Variants in ANXA5 observed in about 807,000 individuals in gnomAD.
The protein encoded by ANXA5 is annexin A5.
A neutral mutation model predicts 48.1 loss-of-function variants in ANXA5; 40 were observed. The ratio of observed to expected loss-of-function variants is 0.83; its 90% CI spans 0.65 to 1.08. The LOEUF (loss-of-function observed/expected upper bound fraction) is 1.08. ANXA5 is among the 50% of genes least tolerant of loss of function. The probability of loss-of-function intolerance (pLI) is 0.00; values close to 1 mark genes in which losing one functional copy is unlikely to be tolerated. For synonymous variants in ANXA5, 113 were observed against 129.1 expected, an observed-to-expected ratio of 0.88 and a Z score of 0.85; for missense variants, 357 against 376.8, an observed-to-expected ratio of 0.95 and a Z score of 0.44.
intron 8 of ANXA5, among the ~76,000 whole-genome samples, chr4:121,674,633 A>G (rs1438119538): frequency 2.0e-5 from 3 of 152,180 alleles, no homozygotes; most frequent in African/African-American, 7.2e-5. Context: ...CAATGTTTTA[A>G]TTTTCTTGGG....
intron 2 of ANXA5, among the ~76,000 whole-genome samples, chr4:121,687,444 C>A (rs891523857): frequency 2.0e-5 from 3 of 152,134 alleles, no homozygotes; most frequent in Admixed American, 6.5e-5. Context: ...TACATTCCCT[C>A]AAAACTCCTG....
At chr4:121,670,128 T>A in intron 10 of ANXA5, 116 bp from the exon 11 acceptor site, 1 of 685,360 alleles carries the variant, frequency 1.5e-6, no homozygotes, top group Admixed American at 3.1e-5. Flanking sequence ...AACACAAAAG[T>A]ACCAGAGGCT....
rs1305874463 is a variant in ANXA5 at position 121,691,739 on chromosome 4, C to T, written c.9+4842G>A. Among the ~76,000 whole-genome samples, 6 of 152,268 alleles carry T rather than the reference C, an allele frequency of 3.9e-5. No homozygotes were observed. In the South Asian group the frequency reaches 1.0e-3, roughly 26 times the overall value. ...ATTGCCTCCCCACTCCATGTACATA[C>T]ACTAGGGCCCTACCTTATGTACGTA... On this transcript the variant is annotated intron_variant, in intron 2 of 12. Coordinates refer to ENST00000296511, the MANE Select transcript of ANXA5 (RefSeq NM_001154.4).
chr4:121,674,606 G>A (rs1333466930), intron 8 of ANXA5, among the ~76,000 whole-genome samples: 4 of 149,906 alleles, frequency 2.7e-5, no homozygotes, highest in African/African-American at 1.0e-4. Context: ...TTGGTGAGAT[G>A]TCAGTTATTT....
At chr4:121,685,355 G>A (rs1236882564) in intron 3 of ANXA5, among the ~76,000 whole-genome samples, 3 of 152,126 alleles carry the variant, frequency 2.0e-5, no homozygotes, top group Non-Finnish European at 4.4e-5. Flanking sequence ...TCTCCTAGCT[G>A]ATAGGAGGTG....
At chr4:121,679,796 A>T (rs1724758684) in intron 6 of ANXA5, among the ~76,000 whole-genome samples, 1 of 152,186 alleles carries the variant, frequency 6.6e-6, no homozygotes, top group African/African-American at 2.4e-5. Context: ...ATACACCATG[A>T]TGTTTTCATA....
chr4:121,677,446 C>T (rs2306412), intron 8 of ANXA5, among the ~76,000 whole-genome samples: 3,047 of 152,220 alleles, frequency 0.02, 37 homozygotes, highest in East Asian at 0.042. Flanking sequence ...AAAATTCTGT[C>T]GAAGGAAATG....
chr4:121,685,257 T>C (rs568008068), intron 3 of ANXA5, among the ~76,000 whole-genome samples: 11 of 152,228 alleles, frequency 7.2e-5, no homozygotes, highest in Admixed American at 5.9e-4. Context: ...CCTAGTTTTT[T>C]AAAAACACAC....
At chr4:121,682,688 G>A (rs954120820) in intron 5 of ANXA5, among the ~76,000 whole-genome samples, 4 of 152,112 alleles carry the variant, frequency 2.6e-5, no homozygotes, top group Non-Finnish European at 4.4e-5. Flanking sequence ...CACTCCATCA[G>A]TAAGAATCCC....
chr4:121,679,107 AG>A (rs2110483256), intron 6 of ANXA5, among the ~76,000 whole-genome samples: 1 of 152,338 alleles, frequency 6.6e-6, no homozygotes, highest in Non-Finnish European at 1.5e-5. Context: ...ATGCTATTAA[AG>A]GAAAGGAGGC....
chr4:121,689,067 T>C (rs1724938784), intron 2 of ANXA5, among the ~76,000 whole-genome samples: 1 of 152,164 alleles, frequency 6.6e-6, no homozygotes, highest in Admixed American at 6.5e-5. Context: ...AACTGAATGG[T>C]TGAATACTGA....
chr4:121,677,353 T>C (rs1333098798), intron 8 of ANXA5, among the ~76,000 whole-genome samples: 2 of 152,160 alleles, frequency 1.3e-5, no homozygotes, highest in African/African-American at 4.8e-5. Flanking sequence ...AGACTGAGAC[T>C]TTATAGGGGT....
In ANXA5 at chr4:121,678,503, A is replaced by C; in HGVS notation, c.395-9T>G. 1 of 1,609,384 alleles carries C rather than the reference A, an allele frequency of 6.2e-7. No homozygotes were observed. The highest frequency in any genetic ancestry group is 8.5e-7 in the Non-Finnish European group (1 of 1,176,662). On this transcript the variant is annotated splice_polypyrimidine_tract_variant and intron_variant, in intron 6 of 12. Coordinates refer to ENST00000296511, the MANE Select transcript of ANXA5 (RefSeq NM_001154.4). ...CAGGCTTGAGCCATATTCTGCAACA[A>C]AATAATTTCATACTTATTTACATCT...
intron 2 of ANXA5, among the ~76,000 whole-genome samples, chr4:121,694,602 C>T (rs890043311): frequency 1.3e-5 from 2 of 152,136 alleles, no homozygotes; most frequent in Non-Finnish European, 2.9e-5. Context: ...TTAGGCTGGT[C>T]TCGAACTCCT....
At chr4:121,672,446 G>T in intron 9 of ANXA5, 87 bp downstream of exon 9, 2 of 859,648 alleles carry the variant, frequency 2.3e-6, no homozygotes, top group Non-Finnish European at 3.8e-6. Context: ...CTAAGTCCCT[G>T]CTATGTAGCA....
chr4:121,669,989 C>T lies in ANXA5; in HGVS notation c.745G>A (p.Ala249Thr), dbSNP rs1167965819. ...TAATAGAGGGTCTCTGCAAGGTAGGCAGGTATACTTCGAATAGATTTCACT... is the reference window on the plus strand; with the variant it reads ...TAATAGAGGGTCTCTGCAAGGTAGGTAGGTATACTTCGAATAGATTTCACT... ...AVVKSIRSIP[A>T]YLAETLYYAM... The change falls in exon 11 of 13, where the codon GCC becomes ACC. Residue 249 changes from alanine to threonine, a missense_variant. Ala to Thr is a moderately conservative substitution (Grantham distance 58). Transcript: ENST00000296511. 1.9e-6 allele frequency: 3 copies of T among 1,605,086 alleles called. No individual in the cohort carries two copies. Among genetic ancestry groups the T allele is most frequent in the Middle Eastern group, 1.7e-4 (1 of 6,026 alleles).
rs1380635484 is a variant in ANXA5 at position 121,669,621 on chromosome 4, G to C, written c.884C>G (p.Ser295Cys). The C allele has an allele frequency of 1.9e-6, 3 of 1,613,230 alleles. No homozygotes were observed. Among genetic ancestry groups the C allele is most frequent in the Admixed American group, 1.7e-5 (1 of 59,924 alleles). ...RKEFRKNFAT[S>C]LYSMIKGDTS... ...TACTACCTTAATCATGGAATAAAGA[G>C]AGGTGGCAAAATTCTTCCTAAACTC... is the stretch of plus-strand genomic sequence containing the variant. The change falls in exon 12 of 13, where the codon TCT becomes TGT. Residue 295 changes from serine to cysteine, a missense_variant. By Grantham distance (112) the Ser-to-Cys change is moderately radical. Transcript: ENST00000296511.
chr4:121,688,640 G>T (rs749897079), intron 2 of ANXA5, among the ~76,000 whole-genome samples: 18 of 151,864 alleles, frequency 1.2e-4, no homozygotes, highest in Non-Finnish European at 2.5e-4. Context: ...CTCGGAACAG[G>T]GTCAGCTATG....
At position 121,687,951 on chromosome 4, in the gene ANXA5, A is replaced by G. The variant is rs927142549; in HGVS notation, c.10-1579T>C. 5.9e-5 allele frequency among the ~76,000 whole-genome samples: 9 copies of G among 152,188 alleles called. No individual in the cohort carries two copies. In the East Asian group the frequency reaches 7.7e-4, roughly 13 times the overall value. On this transcript the variant is annotated intron_variant, in intron 2 of 12. Transcript: ENST00000296511. ...CTGATCACCCTCTGTTATGAACCGAATATCTGTGTCCCCTCAAAATTCATA... is the reference window on the plus strand; with the variant it reads ...CTGATCACCCTCTGTTATGAACCGAGTATCTGTGTCCCCTCAAAATTCATA...
Sources: gnomAD v4.1 joint callset for allele counts (sites outside exome capture counted in the v4.1 genomes callset) on GRCh38, gnomAD v4.1.1 for gene constraint, MANE v1.5 for transcripts, NCBI Gene and HGNC (gene_info 2026-07-23, HGNC 2026-07-21) for gene names.